The following CELF5 variants were observed in gnomAD, a reference collection of about 807,000 sequenced individuals.
CELF5 encodes CUGBP Elav-like family member 5, also known as CUG-BP and ETR-3 like factor 5.
CELF5 carries 6 observed loss-of-function variants against 54.9 expected under a neutral mutation model. The observed-to-expected ratio is 0.11, with a 90% CI of 0.06 to 0.22. The LOEUF (loss-of-function observed/expected upper bound fraction) is 0.22. Ranked by LOEUF, CELF5 falls within the 10% of genes least tolerant of loss-of-function variation. The pLI is 1.00. For missense variants in CELF5, 401 were observed against 678.6 expected (o/e 0.59, Z 4.54); for synonymous variants, 271 against 290.9 (o/e 0.93, Z 0.70).
chr19:3,292,231 A>G (rs4417645), intron 11 of CELF5, among the ~76,000 whole-genome samples: 83,191 of 150,024 alleles, frequency 0.55, 24,141 homozygotes, highest in Middle Eastern at 0.71. Flanking sequence ...ACAGACGTGA[A>G]CCACCACACC....
chr19:3,229,043 GC>G lies in CELF5; in HGVS notation c.259+4049del, dbSNP rs1407512986. 2.0e-5 allele frequency among the ~76,000 whole-genome samples: 3 copies of G among 151,780 alleles called. No homozygotes were observed. The East Asian group carries it at 5.8e-4, about 29-fold the overall frequency. On this transcript the variant is annotated intron_variant, in intron 1 of 12. Transcript: ENST00000292672. ...CCTTTATTTAACAGACTTTCATAAGGCCCCGGAGCCTCACACCTGTGACTGT... is the reference window on the plus strand; with the variant it reads ...CCTTTATTTAACAGACTTTCATAAGGCCCGGAGCCTCACACCTGTGACTGT...
intron 2 of CELF5, among the ~76,000 whole-genome samples, chr19:3,253,475 C>T (rs1022370170): frequency 1.3e-5 from 2 of 152,176 alleles, no homozygotes; most frequent in Non-Finnish European, 2.9e-5. Flanking sequence ...CACAGTGCTG[C>T]TTGAGCTTCC....
chr19:3,231,315 T>G (rs1261572179), intron 1 of CELF5, among the ~76,000 whole-genome samples: 1 of 152,158 alleles, frequency 6.6e-6, no homozygotes, highest in African/African-American at 2.4e-5. Context: ...GAGAGATAGA[T>G]ATGTGAATCA....
intron 1 of CELF5, among the ~76,000 whole-genome samples, chr19:3,246,538 T>C (rs1219094150): frequency 2.0e-5 from 3 of 151,666 alleles, no homozygotes; most frequent in African/African-American, 7.3e-5. Context: ...ACCCCATCTC[T>C]AATAATAATA....
At chr19:3,296,434 G>GAAAAAAAAAAAAAAAAAAAA (rs5826810) in intron 12 of CELF5, 7 of 54,864 alleles carry the variant, frequency 1.3e-4, no homozygotes, top group Middle Eastern at 0.017. Context: ...AAACCACACA[G>GAAAAAAAAAAAAAAAAAAAA]AAAAAAAAAA....
Position 3,258,053 on chromosome 19 carries a change from C to A in CELF5, c.342+6986C>A, listed in dbSNP as rs192345828. Among the ~76,000 whole-genome samples, 8 of 151,854 alleles carry A rather than the reference C, an allele frequency of 5.3e-5. No homozygotes were observed. The East Asian group carries it at 1.5e-3, about 29-fold the overall frequency. ...TGTGCTCACTGTGGCCTCCACCTCC[C>A]GGGTTCAAGCAATTCTCCTGACTCG... On this transcript the variant is annotated intron_variant, in intron 2 of 12. Transcript: ENST00000292672.
intron 1 of CELF5, among the ~76,000 whole-genome samples, chr19:3,248,844 T>TTC (rs1232753237): frequency 2.4e-4 from 33 of 139,428 alleles, no homozygotes; most frequent in Non-Finnish European, 4.9e-4. Flanking sequence ...ACAAACTTTT[T>TTC]TCTTTCTTTC....
intron 1 of CELF5, among the ~76,000 whole-genome samples, chr19:3,245,344 TTG>T (rs1185169863): frequency 7.1e-6 from 1 of 140,652 alleles, no homozygotes. Flanking sequence ...GTGCGTGTGT[TTG>T]TGTGCATGCA....
At chr19:3,293,757 A>T in intron 12 of CELF5, 1 of 286,122 alleles carries the variant, frequency 3.5e-6, no homozygotes. Flanking sequence ...TTCCCGGAGA[A>T]GGCTTTGAGG....
At chr19:3,258,562 A>T (rs553472076) in intron 2 of CELF5, among the ~76,000 whole-genome samples, 35 of 152,314 alleles carry the variant, frequency 2.3e-4, no homozygotes, top group African/African-American at 8.2e-4. Context: ...ATAAGGGCAT[A>T]TCCACAGATC....
chr19:3,289,681 C>CAAAAAAAAAAAAAAAAAAAAAAAA (rs35144942), intron 10 of CELF5, among the ~76,000 whole-genome samples: 8 of 47,136 alleles, frequency 1.7e-4, no homozygotes, highest in African/African-American at 4.0e-4. Flanking sequence ...GACTCCATCT[C>CAAAAAAAAAAAAAAAAAAAAAAAA]AAAAAAAAAA....
chr19:3,270,612 C>A (rs1020995491), intron 2 of CELF5: 1 of 147,570 alleles, frequency 6.8e-6, no homozygotes, highest in Non-Finnish European at 1.5e-5. Flanking sequence ...CCCGGGGCGG[C>A]CGGGCGGGCG....
At chr19:3,253,619 G>T (rs1268322716) in intron 2 of CELF5, among the ~76,000 whole-genome samples, 1 of 152,166 alleles carries the variant, frequency 6.6e-6, no homozygotes, top group East Asian at 1.9e-4. Context: ...AAGCCCAGGG[G>T]TGCAGAGCAG....
rs758120813 is a variant in CELF5 at position 3,282,131 on chromosome 19, G to A, written c.756G>A (p.Met252Ile). 1.2e-6 allele frequency: 2 copies of A among 1,614,220 alleles called. No homozygotes were observed. The highest frequency in any genetic ancestry group is 1.7e-6 in the Non-Finnish European group (2 of 1,180,052). ...SPYSAYAQAL[M>I]QQQTTVLSTS... The stretch of plus-strand genomic sequence containing the variant: ...TGACATGTCTTCACCCCCAGCTCAT[G>A]CAACAGCAGACAACAGTCCTGTCCA... Residue 252 changes from methionine to isoleucine, a missense_variant, in exon 7 of 13, where the codon ATG becomes ATA. Physicochemically the swap from Met to Ile is conservative, Grantham distance 10. Coordinates refer to ENST00000292672, the MANE Select transcript of CELF5 (RefSeq NM_021938.4). The surrounding 1 kb of genome is among the most constrained non-coding windows in gnomAD (Gnocchi z 5.2).
intron 11 of CELF5, among the ~76,000 whole-genome samples, chr19:3,293,024 T>TGGCC (rs140268967): frequency 6.6e-6 from 1 of 152,032 alleles, no homozygotes; most frequent in African/African-American, 2.4e-5. Context: ...GGGGAAAAGG[T>TGGCC]GGCCCTCCAG....
rs1237199847 is a variant in CELF5, at chr19:3,281,899, A to G, written c.751-227A>G. 6.6e-6 allele frequency among the ~76,000 whole-genome samples: 1 copy of G among 151,640 alleles called. No homozygotes were observed. The highest frequency in any genetic ancestry group is 1.5e-5 in the Non-Finnish European group (1 of 67,916). On this transcript the variant is annotated intron_variant, in intron 6 of 12. Transcript: ENST00000292672. This position sits in a 1 kb window ranked among gnomAD's most constrained non-coding sequence, Gnocchi z 6.5. ...GAGCCTTGATCCCAGGCTGAGCCCC[A>G]ATTCCTGACTAGATTGAGCCCTGAT...
rs148449575 is a variant in CELF5 at position 3,277,911 on chromosome 19, C to T, written c.524-120C>T. The T allele has an allele frequency of 8.2e-4, 586 of 710,864 alleles. 2 individuals carry two copies. Among genetic ancestry groups the T allele is most frequent in the African/African-American group, 8.2e-3 (471 of 57,166 alleles). The allele number at this position is 710,864 out of a possible 1,614,324, so 44.0% of individuals were successfully genotyped here. A position where few individuals can be genotyped will look rare whatever the true frequency, so the allele number is the denominator to read the frequency against. On this transcript the variant is annotated intron_variant, in intron 4 of 12. Transcript: ENST00000292672. ...TGGCTGTCTTTCTGTTATCAGTTCT[C>T]TCTGGCTGCATGTGTCTGACACTGG...
intron 1 of CELF5, among the ~76,000 whole-genome samples, chr19:3,235,131 G>A (rs765159893): frequency 5.9e-5 from 9 of 152,116 alleles, no homozygotes; most frequent in Non-Finnish European, 1.0e-4. Context: ...CAGGCAAGGC[G>A]TGGTCCTACT....
chr19:3,248,527 T>G (rs2079598318), intron 1 of CELF5, among the ~76,000 whole-genome samples: 1 of 152,178 alleles, frequency 6.6e-6, no homozygotes, highest in Admixed American at 6.6e-5. Context: ...TCACCCACGT[T>G]GTGTCAGGTA....
Sources: allele counts gnomAD v4.1 joint callset (sites outside exome capture counted in the v4.1 genomes callset), GRCh38; gene constraint gnomAD v4.1.1; non-coding constraint Gnocchi (gnomAD v3.1); transcripts MANE v1.5; gene names NCBI Gene and HGNC (gene_info 2026-07-23, HGNC 2026-07-21).